The following SEL1L variants were observed in gnomAD, a reference collection of about 807,000 sequenced individuals.
The protein encoded by SEL1L is SEL1L adaptor subunit of SYVN1 ubiquitin ligase.
SEL1L carries 52 observed loss-of-function variants against 109.8 expected under a neutral mutation model. The observed-to-expected ratio is 0.47, with a 90% CI of 0.38 to 0.60. The LOEUF is 0.60. Among genes scored for constraint, SEL1L ranks in the 20% least tolerant of loss-of-function variants. The probability of loss-of-function intolerance (pLI) is 0.00; values close to 1 mark genes in which losing one functional copy is unlikely to be tolerated. For synonymous variants in SEL1L, 373 were observed against 339.6 expected, an observed-to-expected ratio of 1.10 and a Z score of -1.08; for missense variants, 749 against 962.2, an observed-to-expected ratio of 0.78 and a Z score of 2.93.
At chr14:81,491,880 G>C (rs1883550239) in intron 12 of SEL1L, among the ~76,000 whole-genome samples, 1 of 152,110 alleles carries the variant, frequency 6.6e-6, no homozygotes, top group Non-Finnish European at 1.5e-5. Context: ...TATTCAGCAT[G>C]GAAGGAAACA....
intron 8 of SEL1L, chr14:81,499,250 T>A: frequency 8.1e-7 from 1 of 1,235,208 alleles, no homozygotes; most frequent in Non-Finnish European, 1.0e-6. Flanking sequence ...CTAATCATTT[T>A]AAAGAAAAAT....
At chr14:81,510,510 C>CTATATATATATATATA (rs1424985040) in intron 3 of SEL1L, among the ~76,000 whole-genome samples, 1 of 108,344 alleles carries the variant, frequency 9.2e-6, no homozygotes, top group East Asian at 2.8e-4. Flanking sequence ...CTCTCTCTCT[C>CTATATATATATATATA]TCTCTATATA....
At chr14:81,513,345 T>C (rs949742873) in intron 3 of SEL1L, among the ~76,000 whole-genome samples, 4 of 152,222 alleles carry the variant, frequency 2.6e-5, no homozygotes, top group Non-Finnish European at 5.9e-5. Flanking sequence ...TTGTTGCTGC[T>C]CACTCTTTGG....
Position 81,474,499 on chromosome 14 carries a change from G to A in SEL1L, c.*2473C>T, listed in dbSNP as rs189570996. ...AACATTAAAACTCCTGAATCCTGGA[G>A]TTAGTTTAATGTCACTGACATTAAC... is the stretch of plus-strand genomic sequence containing the variant. On this transcript the variant is annotated 3_prime_UTR_variant, in exon 21 of 21. Transcript: ENST00000336735. 28 of 152,248 alleles carry A rather than the reference G, an allele frequency of 1.8e-4. No homozygotes were observed. The highest frequency in any genetic ancestry group is 6.5e-4 in the African/African-American group (27 of 41,570). 9.4% of individuals were successfully genotyped at this position (152,248 alleles called of 1,614,324 possible).
chr14:81,486,539 T>A (rs529664661), intron 16 of SEL1L, 85 bp from the exon 17 acceptor site: 1 of 1,349,562 alleles, frequency 7.4e-7, no homozygotes, highest in Admixed American at 1.9e-5. Flanking sequence ...TGGTTACACA[T>A]GACTATTAAG....
intron 3 of SEL1L, among the ~76,000 whole-genome samples, chr14:81,525,724 A>C (rs1885085789): frequency 6.6e-6 from 1 of 152,342 alleles, no homozygotes; most frequent in South Asian, 2.1e-4. Flanking sequence ...TTATGGTACC[A>C]TATATTTACA....
chr14:81,481,984 T>C (rs914025132), intron 19 of SEL1L, among the ~76,000 whole-genome samples: 12 of 151,978 alleles, frequency 7.9e-5, no homozygotes, highest in African/African-American at 2.9e-4. Context: ...AGAGCCAAGA[T>C]TGTGCCACTG....
intron 14 of SEL1L, 98 bp downstream of exon 14, chr14:81,489,154 C>T (rs924090806): frequency 7.6e-6 from 8 of 1,045,972 alleles, no homozygotes; most frequent in East Asian, 2.4e-5. Flanking sequence ...TACAATGGAA[C>T]AGCCCCACCT....
At chr14:81,500,333 A>C (rs540041559) in intron 6 of SEL1L, among the ~76,000 whole-genome samples, 2 of 152,210 alleles carry the variant, frequency 1.3e-5, no homozygotes, top group East Asian at 3.9e-4. Context: ...TCCCAGATTC[A>C]AGCAATTCTC....
At chr14:81,488,154 T>A (rs1283450720) in intron 14 of SEL1L, among the ~76,000 whole-genome samples, 1 of 151,904 alleles carries the variant, frequency 6.6e-6, no homozygotes, top group Non-Finnish European at 1.5e-5. Context: ...GTAAATAGAG[T>A]TTTTGTGAAA....
rs942913932 is a variant in SEL1L at position 81,488,014 on chromosome 14, A to T, written c.1396-72T>A. ...TACTCAAAAGTTAAGAGATTTATTTAAAAAAATGAACAAAGCATATAAAAA... is the reference window on the plus strand; with the variant it reads ...TACTCAAAAGTTAAGAGATTTATTTTAAAAAATGAACAAAGCATATAAAAA... On this transcript the variant is annotated intron_variant, in intron 14 of 20. Coordinates refer to ENST00000336735, the MANE Select transcript of SEL1L (RefSeq NM_005065.6). 9.4e-6 allele frequency: 11 copies of T among 1,173,336 alleles called. No individual in the cohort carries two copies. The African/African-American group carries it at 1.5e-4, about 16-fold the overall frequency. The allele number at this position is 1,173,336 out of a possible 1,614,324, so 72.7% of individuals were successfully genotyped here.
chr14:81,512,566 G>A (rs1195398210), intron 3 of SEL1L, among the ~76,000 whole-genome samples: 1 of 152,208 alleles, frequency 6.6e-6, no homozygotes, highest in Non-Finnish European at 1.5e-5. Context: ...TTGACCACAT[G>A]GAACAAACAT....
intron 3 of SEL1L, among the ~76,000 whole-genome samples, chr14:81,510,574 T>C (rs1308114585): frequency 6.6e-6 from 1 of 151,568 alleles, no homozygotes; most frequent in Non-Finnish European, 1.5e-5. Context: ...TTTTTCTCAC[T>C]TTAAATTGTA....
At chr14:81,514,239 CA>C (rs1884605960) in intron 3 of SEL1L, among the ~76,000 whole-genome samples, 2 of 152,218 alleles carry the variant, frequency 1.3e-5, no homozygotes. Context: ...GCAGGCCTAA[CA>C]AAAGCTATTC....
At chr14:81,508,583 C>A (rs920804931) in intron 3 of SEL1L, among the ~76,000 whole-genome samples, 1 of 152,066 alleles carries the variant, frequency 6.6e-6, no homozygotes, top group Non-Finnish European at 1.5e-5. Flanking sequence ...TCTGTCTCTA[C>A]TAAAAATTCA....
chr14:81,484,896 C>T (rs1350512620), intron 18 of SEL1L, among the ~76,000 whole-genome samples: 1 of 152,222 alleles, frequency 6.6e-6, no homozygotes, highest in Non-Finnish European at 1.5e-5. Context: ...CCTTCTTTCA[C>T]AAACACTCCT....
At chr14:81,492,150 C>G (rs1463804356) in intron 12 of SEL1L, among the ~76,000 whole-genome samples, 1 of 152,080 alleles carries the variant, frequency 6.6e-6, no homozygotes, top group Non-Finnish European at 1.5e-5. Flanking sequence ...CACCACCACA[C>G]CCGGCTAATT....
Position 81,476,485 on chromosome 14 carries a change from CT to C in SEL1L, c.*486del, listed in dbSNP as rs565823864. The C allele has an allele frequency of 0.025, 3,679 of 145,360 alleles. 46 individuals carry two copies. Among genetic ancestry groups the C allele is most frequent in the Middle Eastern group, 0.067 (19 of 282 alleles). 9.0% of individuals were successfully genotyped at this position (145,360 alleles called of 1,614,324 possible). ...CAGTTCCAAAACATTTTCAAGATAG[CT>C]TTTTTTTTTTTTAACTTAAAAGGCA... On this transcript the variant is annotated 3_prime_UTR_variant, in exon 21 of 21. Transcript: ENST00000336735.
At position 81,513,154 on chromosome 14, in the gene SEL1L, C is replaced by A. The variant is rs140789107; in HGVS notation, c.341-6913G>T. Among the ~76,000 whole-genome samples, 71 of 152,240 alleles carry A rather than the reference C, an allele frequency of 4.7e-4. 1 individual carries two copies. In the East Asian group the frequency reaches 0.013, roughly 28 times the overall value. ...CTGTGTCTAGCTAAAGGTTTGTAAACGCACCAATCAGCTCTCTGTAAAATG... is the reference window on the plus strand; with the variant it reads ...CTGTGTCTAGCTAAAGGTTTGTAAAAGCACCAATCAGCTCTCTGTAAAATG... On this transcript the variant is annotated intron_variant, in intron 3 of 20. Coordinates refer to ENST00000336735, the MANE Select transcript of SEL1L (RefSeq NM_005065.6).
Sources: gnomAD v4.1 joint callset for allele counts (sites outside exome capture counted in the v4.1 genomes callset) on GRCh38, gnomAD v4.1.1 for gene constraint, MANE v1.5 for transcripts, NCBI Gene and HGNC (gene_info 2026-07-23, HGNC 2026-07-21) for gene names.